The following ADH5 variants were observed in gnomAD, a reference collection of about 807,000 sequenced individuals.
ADH5 encodes alcohol dehydrogenase class-3.
A neutral mutation model predicts 40.3 loss-of-function variants in ADH5; 32 were observed. That is an observed-to-expected ratio of 0.79 (90% CI 0.60 to 1.07). The LOEUF (loss-of-function observed/expected upper bound fraction) is 1.07, where lower values mean the gene tolerates loss of function less well. Ranked by LOEUF, ADH5 falls within the 50% of genes least tolerant of loss-of-function variation. The pLI, the probability that ADH5 is intolerant of heterozygous loss-of-function variation, is 0.00. For synonymous variants in ADH5, 125 were observed against 154.3 expected (o/e 0.81, Z 1.41); for missense variants, 353 against 460.5 (o/e 0.77, Z 2.14).
At chr4:99,086,037 A>AAAAC (rs77642031) in intron 1 of ADH5, among the ~76,000 whole-genome samples, 1,581 of 150,820 alleles carry the variant, frequency 0.01, 8 homozygotes, top group Non-Finnish European at 0.013. Flanking sequence ...ACATCGTCTC[A>AAAAC]AAACAAACAA....
intron 1 of ADH5, among the ~76,000 whole-genome samples, chr4:99,086,939 CAAAAAA>C (rs58359709): frequency 1.2e-4 from 8 of 64,288 alleles, no homozygotes; most frequent in Admixed American, 2.2e-4. Context: ...GACTGCGTCT[CAAAAAA>C]AAAAAAAAAA....
Position 99,082,007 on chromosome 4 carries a change from C to T in ADH5, c.224G>A (p.Ser75Asn), listed in dbSNP as rs1728034446. 3.7e-6 allele frequency: 6 copies of T among 1,613,884 alleles called. No homozygotes were observed. The East Asian group carries it at 1.1e-4, about 30-fold the overall frequency. The change falls in exon 3 of 9, where the codon AGT becomes AAT. Residue 75 changes from serine to asparagine, a missense_variant. By Grantham distance (46) the Ser-to-Asn change is conservative. Transcript: ENST00000296412. ...LGHEGAGIVE[S>N]VGEGVTKLKA... Reference sequence around the variant, plus strand: ...CAGCTTAGTAACTCCCTCACCAACACTTTCCACAATTCCAGCACCTTCATG... The same window carrying T: ...CAGCTTAGTAACTCCCTCACCAACATTTTCCACAATTCCAGCACCTTCATG...
intron 1 of ADH5, chr4:99,085,483 T>C (rs1004525561): frequency 8.7e-6 from 3 of 343,810 alleles, no homozygotes; most frequent in Non-Finnish European, 1.6e-5. Flanking sequence ...CCTTCTACAG[T>C]GCATATGCAA....
At position 99,072,461 on chromosome 4, in the gene ADH5, A is replaced by G; in HGVS notation, c.1101-20T>C. On this transcript the variant is annotated intron_variant, in intron 8 of 8. Transcript: ENST00000296412. ...CGAATGCTGTAAAAGGAAGCAACAT[A>G]CTAAGTTTTAAATGATACCTTTAAG... is the stretch of plus-strand genomic sequence containing the variant. 1.2e-6 allele frequency: 2 copies of G among 1,612,724 alleles called. No homozygotes were observed. Among genetic ancestry groups the G allele is most frequent in the Non-Finnish European group, 1.7e-6 (2 of 1,178,996 alleles).
At chr4:99,076,244 CA>C (rs773370774) in intron 6 of ADH5, 47 bp downstream of exon 6, 33 of 1,577,832 alleles carry the variant, frequency 2.1e-5, no homozygotes, top group Middle Eastern at 1.7e-4. Context: ...AACTGCACTT[CA>C]AAAAAAGCAG....
At chr4:99,082,736 G>C (rs1388307424) in intron 2 of ADH5, among the ~76,000 whole-genome samples, 1 of 152,164 alleles carries the variant, frequency 6.6e-6, no homozygotes, top group Non-Finnish European at 1.5e-5. Context: ...GAGTGCAGTG[G>C]CATGATCTCG....
intron 1 of ADH5, among the ~76,000 whole-genome samples, chr4:99,087,357 G>C (rs1009178171): frequency 2.2e-5 from 3 of 139,330 alleles, no homozygotes; most frequent in Non-Finnish European, 4.6e-5. Context: ...ACTCCAGCCT[G>C]GGAAACAAAG....
rs1353898531 is a variant in ADH5 at position 99,082,081 on chromosome 4, A to G, written c.150T>C (p.Tyr50=). The G allele has an allele frequency of 1.9e-6, 3 of 1,613,862 alleles. No homozygotes were observed. The highest frequency in any genetic ancestry group is 1.7e-5 in the Admixed American group (1 of 59,990). The change falls in exon 3 of 9, where the codon TAT becomes TAC. Residue 50 remains tyrosine (Y), a synonymous_variant. Coordinates refer to ENST00000296412, the MANE Select transcript of ADH5 (RefSeq NM_000671.4). ...IATAVCHTDA[Y]TLSGADPEGC... Reference sequence around the variant, plus strand: ...CCTCAGGATCAGCTCCACTCAGGGTATAGGCATCGGTGTGGCAAACCGCAG... The same window carrying G: ...CCTCAGGATCAGCTCCACTCAGGGTGTAGGCATCGGTGTGGCAAACCGCAG...
chr4:99,082,248 C>A (rs1728040206), intron 2 of ADH5, 132 bp from the exon 3 acceptor site: 1 of 1,029,734 alleles, frequency 9.7e-7, no homozygotes, highest in African/African-American at 1.6e-5. Flanking sequence ...CATATTTTAA[C>A]CTCTCTAAAA....
Position 99,082,079 on chromosome 4 carries a change from G to T in ADH5, c.152C>A (p.Thr51Asn). ...ATAVCHTDAY[T>N]LSGADPEGCF... The stretch of plus-strand genomic sequence containing the variant: ...ACCCTCAGGATCAGCTCCACTCAGG[G>T]TATAGGCATCGGTGTGGCAAACCGC... The change falls in exon 3 of 9, where the codon ACC becomes AAC. Residue 51 changes from threonine (T) to asparagine (N), a missense_variant. By Grantham distance (65) the Thr-to-Asn change is moderately conservative. Coordinates refer to ENST00000296412, the MANE Select transcript of ADH5 (RefSeq NM_000671.4). The T allele has an allele frequency of 1.2e-6, 2 of 1,613,892 alleles. No homozygotes were observed. The highest frequency in any genetic ancestry group is 1.1e-5 in the South Asian group (1 of 91,080).
chr4:99,084,590 G>A (rs887238940), intron 2 of ADH5, among the ~76,000 whole-genome samples: 10 of 152,050 alleles, frequency 6.6e-5, no homozygotes, highest in Admixed American at 6.6e-5. Context: ...ATGTATACTC[G>A]GTTGAGCAGC....
intron 2 of ADH5, among the ~76,000 whole-genome samples, chr4:99,083,075 C>T (rs7683704): frequency 0.14 from 20,663 of 152,134 alleles, 1,839 homozygotes; most frequent in African/African-American, 0.26. Context: ...CCACTTACAA[C>T]GTAACAATCT....
intron 2 of ADH5, among the ~76,000 whole-genome samples, chr4:99,082,983 A>AT (rs1483010025): frequency 6.6e-6 from 1 of 152,166 alleles, no homozygotes; most frequent in East Asian, 1.9e-4. Context: ...GCCGTAACTT[A>AT]TATTTTAAAG....
At chr4:99,085,655 T>C in intron 1 of ADH5, 1 of 302,160 alleles carries the variant, frequency 3.3e-6, no homozygotes, top group East Asian at 1.1e-4. Flanking sequence ...GAAGGAGGAT[T>C]AGGAGTGTAA....
intron 3 of ADH5, 181 bp from the exon 4 acceptor site, chr4:99,081,633 AT>A: frequency 1.7e-6 from 1 of 582,854 alleles, no homozygotes; most frequent in Admixed American, 3.3e-5. Context: ...ATGTTTCAAT[AT>A]TTTTATCTAA....
intron 6 of ADH5, 137 bp downstream of exon 6, chr4:99,076,155 A>G (rs1219948011): frequency 3.8e-6 from 3 of 798,820 alleles, no homozygotes; most frequent in Admixed American, 2.9e-5. Flanking sequence ...GTTCAAATAG[A>G]TATTTTCCCC....
At chr4:99,080,495 C>G (rs967823847) in intron 4 of ADH5, 3 of 79,834 alleles carry the variant, frequency 3.8e-5, no homozygotes, top group Non-Finnish European at 7.9e-5. Context: ...CACATCCCCC[C>G]GCTTCTTTCT....
chr4:99,082,441 T>G (rs772719561), intron 2 of ADH5, among the ~76,000 whole-genome samples: 1 of 152,224 alleles, frequency 6.6e-6, no homozygotes, highest in African/African-American at 2.4e-5. Context: ...CCTTCAAGCA[T>G]GGAGAGAACC....
chr4:99,083,484 C>T (rs1279757483), intron 2 of ADH5, among the ~76,000 whole-genome samples: 1 of 151,348 alleles, frequency 6.6e-6, no homozygotes, highest in African/African-American at 2.4e-5. Context: ...TCTGTAATCC[C>T]AGCTACTAGG....
Sources: gnomAD v4.1 joint callset for allele counts (sites outside exome capture counted in the v4.1 genomes callset) on GRCh38, gnomAD v4.1.1 for gene constraint, MANE v1.5 for transcripts, NCBI Gene and HGNC (gene_info 2026-07-23, HGNC 2026-07-21) for gene names.